TRAPPC9: variants seen among roughly 807,000 people sequenced by gnomAD.
TRAPPC9 encodes IKK2 binding protein.
In TRAPPC9, 83 loss-of-function variants were observed where a neutral mutation model predicts 124.0. The ratio of observed to expected loss-of-function variants is 0.67; its 90% CI spans 0.56 to 0.80. The LOEUF (loss-of-function observed/expected upper bound fraction) is 0.80. TRAPPC9 is among the 30% of genes least tolerant of loss of function. The pLI is 0.00. For missense variants in TRAPPC9, 1,302 were observed against 1,508.3 expected (o/e 0.86, Z 2.27); for synonymous variants, 638 against 617.5 (o/e 1.03, Z -0.49).
At chr8:139,951,703 G>A (rs371713766) in intron 19 of TRAPPC9, among the ~76,000 whole-genome samples, 18 of 152,276 alleles carry the variant, frequency 1.2e-4, no homozygotes, top group African/African-American at 3.8e-4. Flanking sequence ...TACAGATGCC[G>A]AGCTCACTCC....
At chr8:139,859,914 G>A (rs1006048183) in intron 21 of TRAPPC9, among the ~76,000 whole-genome samples, 9 of 152,200 alleles carry the variant, frequency 5.9e-5, no homozygotes, top group African/African-American at 1.9e-4. Context: ...CAGACCCCTT[G>A]GGAATATGAT....
Position 140,216,903 on chromosome 8 carries a change from G to C in TRAPPC9, c.2556+4556C>G, listed in dbSNP as rs946320219. Among the ~76,000 whole-genome samples the C allele has an allele frequency of 2.0e-5, 3 of 152,150 alleles. No homozygotes were observed. Among genetic ancestry groups the C allele is most frequent in the Non-Finnish European group, 4.4e-5 (3 of 68,034 alleles). On this transcript the variant is annotated intron_variant, in intron 17 of 22. Transcript: ENST00000438773. The surrounding 1 kb of genome is among the most constrained non-coding windows in gnomAD (Gnocchi z 4.1). ...TTATTTACTTGTATCTTAGCCACCA[G>C]CCCAGGAGTTCCATGAAGTCAAGAC... is the stretch of plus-strand genomic sequence containing the variant.
intron 21 of TRAPPC9, among the ~76,000 whole-genome samples, chr8:139,801,292 T>C (rs1377249320): frequency 2.0e-5 from 3 of 152,172 alleles, no homozygotes; most frequent in East Asian, 1.9e-4. Context: ...GAAAGTGACA[T>C]AGTTCATGCC....
chr8:140,106,434 A>T (rs866366527), intron 17 of TRAPPC9, among the ~76,000 whole-genome samples: 1 of 152,244 alleles, frequency 6.6e-6, no homozygotes, highest in Admixed American at 6.5e-5. Flanking sequence ...AGTTCACACA[A>T]CATCAGTCAC....
chr8:140,227,689 C>G (rs189983888), intron 16 of TRAPPC9, among the ~76,000 whole-genome samples: 1 of 152,318 alleles, frequency 6.6e-6, no homozygotes, highest in East Asian at 1.9e-4. Flanking sequence ...AAAGCAGAGT[C>G]ACAATAAAAA....
rs1331602687 is a variant in TRAPPC9 at position 140,216,640 on chromosome 8, G to A, written c.2556+4819C>T. Among the ~76,000 whole-genome samples the A allele has an allele frequency of 4.6e-5, 7 of 152,136 alleles. No individual in the cohort carries two copies. The highest frequency in any genetic ancestry group is 2.0e-4 in the Admixed American group (3 of 15,272). On this transcript the variant is annotated intron_variant, in intron 17 of 22. Transcript: ENST00000438773. The surrounding 1 kb of genome is among the most constrained non-coding windows in gnomAD (Gnocchi z 4.1). ...TCCTCTCAGCCCTCTCCGTGCTCCCGTGCTCAGGACAGCAGGCCTGCAGCA... is the reference window on the plus strand; with the variant it reads ...TCCTCTCAGCCCTCTCCGTGCTCCCATGCTCAGGACAGCAGGCCTGCAGCA...
intron 21 of TRAPPC9, among the ~76,000 whole-genome samples, chr8:139,823,734 G>A (rs1825423475): frequency 6.6e-6 from 1 of 152,212 alleles, no homozygotes; most frequent in Non-Finnish European, 1.5e-5. Context: ...CCAGGTATGG[G>A]GCTGACGCTG....
intron 8 of TRAPPC9, among the ~76,000 whole-genome samples, chr8:140,360,944 C>T (rs1354483092): frequency 6.6e-6 from 1 of 152,124 alleles, no homozygotes; most frequent in African/African-American, 2.4e-5. Context: ...CCCATGTTGC[C>T]CAGGCTGGTC....
At chr8:139,787,763 T>C (rs1363646682) in intron 21 of TRAPPC9, among the ~76,000 whole-genome samples, 1 of 152,164 alleles carries the variant, frequency 6.6e-6, no homozygotes, top group African/African-American at 2.4e-5. Context: ...CCTGGGTGTG[T>C]TTCTGTCTAG....
At chr8:140,419,195 G>A (rs1201588776) in intron 5 of TRAPPC9, among the ~76,000 whole-genome samples, 16 of 152,084 alleles carry the variant, frequency 1.1e-4, no homozygotes, top group Admixed American at 6.6e-4. Context: ...TTGGGAGGCC[G>A]AGGCGGGTGG....
chr8:139,789,883 A>T (rs556496950), intron 21 of TRAPPC9, among the ~76,000 whole-genome samples: 1 of 152,208 alleles, frequency 6.6e-6, no homozygotes, highest in South Asian at 2.1e-4. Context: ...GCCTCAGTGC[A>T]GCATTTGAAG....
intron 21 of TRAPPC9, among the ~76,000 whole-genome samples, chr8:139,810,384 G>A (rs1031476205): frequency 6.6e-6 from 1 of 152,208 alleles, no homozygotes; most frequent in African/African-American, 2.4e-5. Flanking sequence ...GACGGATCCT[G>A]CGAGCCAGGG....
intron 17 of TRAPPC9, among the ~76,000 whole-genome samples, chr8:140,164,676 C>T (rs1030012085): frequency 1.3e-5 from 2 of 152,214 alleles, no homozygotes; most frequent in African/African-American, 2.4e-5. Flanking sequence ...CCTGGGCCTC[C>T]GTGCAGCACA....
At chr8:139,939,442 C>G (rs113425432) in intron 19 of TRAPPC9, among the ~76,000 whole-genome samples, 1 of 152,202 alleles carries the variant, frequency 6.6e-6, no homozygotes, top group Admixed American at 6.5e-5. Flanking sequence ...TGGTCCAGCA[C>G]GCCGCATGGG....
chr8:140,022,238 G>A (rs1021924396), intron 18 of TRAPPC9, among the ~76,000 whole-genome samples: 8 of 152,200 alleles, frequency 5.3e-5, no homozygotes, highest in African/African-American at 1.9e-4. Flanking sequence ...CAGAGTCATT[G>A]GGAGACATCT....
chr8:139,972,848 G>A (rs1306665103), intron 19 of TRAPPC9, among the ~76,000 whole-genome samples: 1 of 152,200 alleles, frequency 6.6e-6, no homozygotes, highest in Non-Finnish European at 1.5e-5. Context: ...AGATGAGGCA[G>A]ACGGGGAAGA....
chr8:139,993,999 G>A (rs113522143), intron 18 of TRAPPC9, among the ~76,000 whole-genome samples: 2 of 152,310 alleles, frequency 1.3e-5, no homozygotes, highest in East Asian at 3.9e-4. Flanking sequence ...GGACAAGTCT[G>A]TATGGTAGAC....
chr8:140,078,706 G>C (rs1843647206), intron 17 of TRAPPC9, among the ~76,000 whole-genome samples: 1 of 152,072 alleles, frequency 6.6e-6, no homozygotes, highest in East Asian at 1.9e-4. Context: ...GCCCATGCAG[G>C]AACTGAGAGG....
intron 20 of TRAPPC9, among the ~76,000 whole-genome samples, chr8:139,896,284 T>A (rs1042505740): frequency 6.6e-6 from 1 of 152,158 alleles, no homozygotes; most frequent in Non-Finnish European, 1.5e-5. Flanking sequence ...ATCTCTTAAA[T>A]ACGTGGACCC....
Sources: gnomAD v4.1 joint callset for allele counts (sites outside exome capture counted in the v4.1 genomes callset) on GRCh38, gnomAD v4.1.1 for gene constraint, Gnocchi (gnomAD v3.1) non-coding constraint, MANE v1.5 for transcripts, NCBI Gene and HGNC (gene_info 2026-07-23, HGNC 2026-07-21) for gene names.